The following CACNA1H variants were observed in gnomAD, a reference collection of about 807,000 sequenced individuals.
The protein encoded by CACNA1H is calcium voltage-gated channel subunit alpha1 H, also known as voltage-dependent T-type calcium channel subunit alpha-1H.
CACNA1H carries 149 observed loss-of-function variants against 192.5 expected under a neutral mutation model. The ratio of observed to expected loss-of-function variants is 0.77; its 90% CI spans 0.68 to 0.89. CACNA1H has a LOEUF of 0.89. CACNA1H is among the 40% of genes least tolerant of loss of function. CACNA1H has a pLI of 0.00. For synonymous variants in CACNA1H, 2,202 were observed against 1,475.2 expected (o/e 1.49, Z -11.29); for missense variants, 4,257 against 3,423.5 (o/e 1.24, Z -6.08).
At chr16:1,206,796 A>G (rs1968771188) in intron 12 of CACNA1H, 1 of 555,808 alleles carries the variant, frequency 1.8e-6, no homozygotes, top group South Asian at 2.3e-5. Flanking sequence ...TCGCCTGTGG[A>G]ATGGACACTA....
At position 1,210,331 on chromosome 16, in the gene CACNA1H, C is replaced by T. The variant is rs758409934; in HGVS notation, c.3846-39C>T. The T allele has an allele frequency of 3.8e-5, 51 of 1,326,314 alleles. 1 individual carries two copies. Among genetic ancestry groups the T allele is most frequent in the Middle Eastern group, 2.2e-4 (1 of 4,464 alleles). 82.2% of individuals were successfully genotyped at this position (1,326,314 alleles called of 1,614,324 possible). ...ACCCCCATCCACTCTGCCATCCACG[C>T]CGCCCCGCCCCACCTCTCACCCGCC... On this transcript the variant is annotated intron_variant, in intron 18 of 34. Transcript: ENST00000348261.
chr16:1,219,211 A>G, intron 34 of CACNA1H, 81 bp downstream of exon 34: 1 of 1,352,576 alleles, frequency 7.4e-7, no homozygotes, highest in South Asian at 1.5e-5. Flanking sequence ...CTGAAGGACC[A>G]GCAGACGAGG....
rs1200415720 is a variant in CACNA1H at position 1,205,143 on chromosome 16, C to A, written c.2481C>A (p.Ile827=). 2 of 1,612,568 alleles carry A rather than the reference C, an allele frequency of 1.2e-6. No individual in the cohort carries two copies. Among genetic ancestry groups the A allele is most frequent in the Admixed American group, 1.7e-5 (1 of 59,978 alleles). Reference sequence around the variant, plus strand: ...AGGAGCTGACTAATGCTCTGGAGATCAGCAACATCGTGTTCACCAGCATGT... The same window carrying A: ...AGGAGCTGACTAATGCTCTGGAGATAAGCAACATCGTGTTCACCAGCATGT... ...QPEELTNALE[I]SNIVFTSMFA... The change falls in exon 11 of 35, where the codon ATC becomes ATA. Residue 827 remains isoleucine, a synonymous_variant. Coordinates refer to ENST00000348261, the MANE Select transcript of CACNA1H (RefSeq NM_021098.3).
intron 2 of CACNA1H, among the ~76,000 whole-genome samples, chr16:1,166,883 T>C (rs1019774448): frequency 6.6e-6 from 1 of 152,180 alleles, no homozygotes; most frequent in African/African-American, 2.4e-5. Context: ...TGCCGGGCCG[T>C]CCCTGCTCCA....
rs761751522 is a variant in CACNA1H at position 1,207,320 on chromosome 16, G to A, written c.2953G>A (p.Ala985Thr). The change falls in exon 14 of 35, where the codon GCC becomes ACC. Residue 985 changes from alanine (A) to threonine (T), a missense_variant. Transcript: ENST00000348261. The part of the protein sequence containing the change: ...DWNVVLYNGM[A>T]STSSWAALYF... ...GAACGTGGTCCTGTACAACGGCATG[G>A]CCTCCACCTCCTCCTGGGCCGCCCT... 1 of 1,611,124 alleles carries A rather than the reference G, an allele frequency of 6.2e-7. No individual in the cohort carries two copies. The highest frequency in any genetic ancestry group is 1.7e-5 in the Admixed American group (1 of 59,716).
At position 1,204,088 on chromosome 16, in the gene CACNA1H, C is replaced by T. The variant is rs369626032; in HGVS notation, c.2081C>T (p.Thr694Ile). The change falls in exon 10 of 35, where the codon ACC becomes ATC. Residue 694 changes from threonine to isoleucine, a missense_variant. By Grantham distance (89) the Thr-to-Ile change is moderately conservative. Coordinates refer to ENST00000348261, the MANE Select transcript of CACNA1H (RefSeq NM_021098.3). Reference sequence around the variant, plus strand: ...CCCAGCCCCCCAGCGGGCACACTGACCTGTGAGCTGAAGAGCTGCCCGTAC... The same window carrying T: ...CCCAGCCCCCCAGCGGGCACACTGATCTGTGAGCTGAAGAGCTGCCCGTAC... The part of the protein sequence containing the change: ...PLPSPPAGTL[T>I]CELKSCPYCT... 2.5e-6 allele frequency: 4 copies of T among 1,609,158 alleles called. No individual in the cohort carries two copies. Among genetic ancestry groups the T allele is most frequent in the East Asian group, 2.2e-5 (1 of 44,776 alleles).
At chr16:1,157,943 C>T (rs775431301) in intron 2 of CACNA1H, 14 of 152,258 alleles carry the variant, frequency 9.2e-5, no homozygotes, top group Non-Finnish European at 1.8e-4. Context: ...GGGCGCGTGT[C>T]TCCCGGAGAC....
At chr16:1,199,451 A>G (rs1967488840) in intron 6 of CACNA1H, among the ~76,000 whole-genome samples, 1 of 75,746 alleles carries the variant, frequency 1.3e-5, no homozygotes, top group Non-Finnish European at 2.8e-5. Context: ...CGGTCGCTGC[A>G]TATATGCCCC....
chr16:1,169,773 C>T (rs531503672), intron 2 of CACNA1H, among the ~76,000 whole-genome samples: 1 of 152,244 alleles, frequency 6.6e-6, no homozygotes, highest in Non-Finnish European at 1.5e-5. Context: ...GTCCGTCTGC[C>T]TCCCAGGCCT....
At chr16:1,213,547 G>C (rs1969704666) in intron 26 of CACNA1H, among the ~76,000 whole-genome samples, 1 of 152,194 alleles carries the variant, frequency 6.6e-6, no homozygotes, top group Non-Finnish European at 1.5e-5. Context: ...GGCCTAGCCA[G>C]CTCCCCAGGG....
chr16:1,186,447 G>C (rs958739343), intron 2 of CACNA1H, among the ~76,000 whole-genome samples: 15 of 152,066 alleles, frequency 9.9e-5, no homozygotes, highest in Non-Finnish European at 2.2e-4. Context: ...ATGCCGCGGC[G>C]TGGGGTGAAC....
chr16:1,208,971 A>C, intron 16 of CACNA1H, 61 bp from the exon 17 acceptor site: 1 of 1,391,358 alleles, frequency 7.2e-7, no homozygotes, highest in South Asian at 1.7e-5. Context: ...GGTGCTCCGT[A>C]ATGACAGCGG....
intron 2 of CACNA1H, among the ~76,000 whole-genome samples, chr16:1,163,094 T>C (rs879692020): frequency 1.3e-5 from 2 of 152,234 alleles, no homozygotes; most frequent in Admixed American, 1.3e-4. Flanking sequence ...CTCTCTGTTC[T>C]GGGCAGGTGA....
At chr16:1,217,895 C>CG in intron 31 of CACNA1H, 24 bp from the exon 32 acceptor site, 1 of 1,579,402 alleles carries the variant, frequency 6.3e-7, no homozygotes, top group Non-Finnish European at 8.6e-7. Flanking sequence ...CTCGGCTGAC[C>CG]GGGCGGGGTC....
At chr16:1,182,249 G>A (rs1965551937) in intron 2 of CACNA1H, among the ~76,000 whole-genome samples, 1 of 152,220 alleles carries the variant, frequency 6.6e-6, no homozygotes, top group Admixed American at 6.5e-5. Context: ...GGTGCAGCCT[G>A]GCGGACATAG....
chr16:1,209,895 C>T, intron 17 of CACNA1H, 140 bp from the exon 18 acceptor site: 1 of 667,740 alleles, frequency 1.5e-6, no homozygotes, highest in Non-Finnish European at 2.5e-6. Context: ...AGCCAGAGCC[C>T]AAAGGCCAGC....
At chr16:1,176,759 G>C (rs76247076) in intron 2 of CACNA1H, among the ~76,000 whole-genome samples, 2,823 of 152,302 alleles carry the variant, frequency 0.019, 76 homozygotes, top group African/African-American at 0.063. Context: ...CCCAGAAAAT[G>C]ATGGTGCTGG....
chr16:1,165,476 G>A (rs1567441535), intron 2 of CACNA1H, among the ~76,000 whole-genome samples: 1 of 152,158 alleles, frequency 6.6e-6, no homozygotes, highest in Admixed American at 6.5e-5. Context: ...CGCGTGGGCC[G>A]AGCCCCCGTC....
chr16:1,200,328 C>T lies in CACNA1H; in HGVS notation c.876C>T (p.Ser292=), dbSNP rs376102066. The T allele has an allele frequency of 6.2e-6, 10 of 1,604,456 alleles. 1 individual carries two copies. The highest frequency in any genetic ancestry group is 3.3e-4 in the Middle Eastern group (2 of 6,044). ...EEGEENPFIC[S]SRRDNGMQKC... ...GCGAGGAGAACCCGTTCATCTGCTC[C>T]TCACGCCGAGACAACGGCATGCAGA... is the stretch of plus-strand genomic sequence containing the variant. The change falls in exon 7 of 35, where the codon TCC becomes TCT. Residue 292 remains serine (S), a synonymous_variant. Coordinates refer to ENST00000348261, the MANE Select transcript of CACNA1H (RefSeq NM_021098.3).
Sources: allele counts gnomAD v4.1 joint callset (sites outside exome capture counted in the v4.1 genomes callset), GRCh38; gene constraint gnomAD v4.1.1; transcripts MANE v1.5; gene names NCBI Gene and HGNC (gene_info 2026-07-23, HGNC 2026-07-21).